Variants in MAP3K9 observed in about 807,000 individuals in gnomAD.
The protein encoded by MAP3K9 is mixed lineage kinase 1 (tyr and ser/thr specificity).
MAP3K9 carries 46 observed loss-of-function variants against 95.8 expected under a neutral mutation model. The ratio of observed to expected loss-of-function variants is 0.48; its 90% CI spans 0.38 to 0.61. MAP3K9 has a LOEUF of 0.61. Ranked by LOEUF, MAP3K9 falls within the 20% of genes least tolerant of loss-of-function variation. MAP3K9 has a pLI of 0.00. For synonymous variants in MAP3K9, 533 were observed against 593.8 expected, an observed-to-expected ratio of 0.90 and a Z score of 1.49; for missense variants, 1,296 against 1,474.3, an observed-to-expected ratio of 0.88 and a Z score of 1.98.
intron 2 of MAP3K9, among the ~76,000 whole-genome samples, chr14:70,784,704 AG>A (rs1204667487): frequency 6.6e-6 from 1 of 152,224 alleles, no homozygotes; most frequent in East Asian, 1.9e-4. Flanking sequence ...CCTGGGAGAC[AG>A]AGTGAGTGAG....
chr14:70,780,453 A>G (rs1330533159), intron 2 of MAP3K9, among the ~76,000 whole-genome samples: 1 of 152,114 alleles, frequency 6.6e-6, no homozygotes, highest in Non-Finnish European at 1.5e-5. Context: ...CTGCTGAGTG[A>G]AAGGTTCTCA....
chr14:70,799,358 G>A (rs1157043035), intron 2 of MAP3K9, among the ~76,000 whole-genome samples: 1 of 151,548 alleles, frequency 6.6e-6, no homozygotes, highest in Non-Finnish European at 1.5e-5. Flanking sequence ...TTGTTTTTTT[G>A]AGATGGAGTC....
rs557062833 is a variant in MAP3K9, at chr14:70,761,150, G to T, written c.853C>A (p.Leu285Met). 1,064 of 1,613,922 alleles carry T rather than the reference G, an allele frequency of 6.6e-4. 13 individuals are homozygous for T. In the South Asian group the frequency reaches 0.011, roughly 17 times the overall value. ...LILQKVENGD[L>M]SNKILKITDF... ...GTGATCTTCAGAATCTTGTTGCTCA[G>T]GTCTCCATTCTCCACCTTCTGGAGG... is the stretch of plus-strand genomic sequence containing the variant. The change falls in exon 3 of 12, where the codon CTG becomes ATG. Residue 285 changes from leucine to methionine, a missense_variant. Transcript: ENST00000554752.
rs1820763742 is a variant in MAP3K9 at position 70,732,685 on chromosome 14, G to T, written c.2684C>A (p.Ser895Tyr). The T allele has an allele frequency of 6.2e-7, 1 of 1,601,772 alleles. No individual in the cohort carries two copies. Among genetic ancestry groups the T allele is most frequent in the African/African-American group, 1.3e-5 (1 of 74,700 alleles). ...GAGGGTGACATGGGTGGGAGTCAGA[G>T]ATTGGTTAGGATCTCGTTTGAAGCG... ...VERFKRDPNQSLTPTHVTLTT... is the reference protein window; with the variant it reads ...VERFKRDPNQYLTPTHVTLTT... The change falls in exon 11 of 12, where the codon TCT becomes TAT. Residue 895 changes from serine to tyrosine, a missense_variant. Transcript: ENST00000554752.
chr14:70,795,513 T>C (rs1185859007), intron 2 of MAP3K9, among the ~76,000 whole-genome samples: 1 of 151,124 alleles, frequency 6.6e-6, no homozygotes, highest in Non-Finnish European at 1.5e-5. Context: ...GATTTTGTTG[T>C]GTTGCCTAGG....
chr14:70,738,389 C>T lies in MAP3K9; in HGVS notation c.1700G>A (p.Gly567Asp). The T allele has an allele frequency of 3.1e-6, 5 of 1,613,806 alleles. No homozygotes were observed. Among genetic ancestry groups the T allele is most frequent in the Non-Finnish European group, 4.2e-6 (5 of 1,179,910 alleles). ...PRLRAIQLTP[G>D]ESSKTWGRSS... ...CCTGCCCCAGGTTTTGCTGCTTTCA[C>T]CTGGTGTCACTGTGAATCACAAGGG... is the stretch of plus-strand genomic sequence containing the variant. Residue 567 changes from glycine (G) to aspartate (D), a missense_variant, in exon 8 of 12, where the codon GGT (glycine) becomes GAT (aspartate). This residue lies in a region of MAP3K9 where 377 missense variants were observed against 417.1 expected (regional missense o/e 0.90). Coordinates refer to ENST00000554752, the MANE Select transcript of MAP3K9 (RefSeq NM_001284230.2).
chr14:70,779,786 G>C (rs922114897), intron 2 of MAP3K9, among the ~76,000 whole-genome samples: 1 of 152,236 alleles, frequency 6.6e-6, no homozygotes, highest in Non-Finnish European at 1.5e-5. Context: ...GCTGAGAACA[G>C]CCACTCCTTG....
At chr14:70,776,881 G>T (rs907460506) in intron 2 of MAP3K9, among the ~76,000 whole-genome samples, 8 of 146,680 alleles carry the variant, frequency 5.5e-5, no homozygotes, top group Admixed American at 2.0e-4. Context: ...CCCCAGGTTT[G>T]AGTGCAATGG....
intron 2 of MAP3K9, among the ~76,000 whole-genome samples, chr14:70,763,556 G>C (rs1276529670): frequency 6.6e-6 from 1 of 151,464 alleles, no homozygotes; most frequent in African/African-American, 2.4e-5. Context: ...TTGGACCCAA[G>C]GTCTCACTCT....
At chr14:70,791,504 C>T (rs781759222) in intron 2 of MAP3K9, among the ~76,000 whole-genome samples, 3 of 152,234 alleles carry the variant, frequency 2.0e-5, no homozygotes, top group African/African-American at 4.8e-5. Context: ...ATTCCCCTTA[C>T]GAATCCTTCT....
rs71105731 is a variant in MAP3K9 at position 70,764,192 on chromosome 14, CAAAAA to C, written c.821-3015_821-3011del. The stretch of plus-strand genomic sequence containing the variant: ...TGGGCGACAGAGCGAGACTCCGTCT[CAAAAA>C]AAAAAAAAAAAAGTTAACTGTAAAA... On this transcript the variant is annotated intron_variant, in intron 2 of 11. Coordinates refer to ENST00000554752, the MANE Select transcript of MAP3K9 (RefSeq NM_001284230.2). Among the ~76,000 whole-genome samples the C allele has an allele frequency of 1.7e-4, 5 of 29,856 alleles. 1 individual carries two copies. Among genetic ancestry groups the C allele is most frequent in the African/African-American group, 6.2e-4 (5 of 8,078 alleles). The allele number at this position is 29,856 out of a possible 152,430, so 19.6% of individuals were successfully genotyped here.
At chr14:70,753,363 G>A (rs762482166) in intron 3 of MAP3K9, among the ~76,000 whole-genome samples, 1 of 152,196 alleles carries the variant, frequency 6.6e-6, no homozygotes, top group Non-Finnish European at 1.5e-5. Context: ...AGTCTTTCTG[G>A]GGCTGACTAA....
chr14:70,749,360 C>T (rs1174458746), intron 4 of MAP3K9, among the ~76,000 whole-genome samples: 4 of 152,202 alleles, frequency 2.6e-5, no homozygotes, highest in Admixed American at 1.3e-4. Flanking sequence ...GAATTATGCC[C>T]TGGGCTTCAG....
At chr14:70,785,559 G>A (rs946847874) in intron 2 of MAP3K9, among the ~76,000 whole-genome samples, 8 of 152,134 alleles carry the variant, frequency 5.3e-5, no homozygotes, top group Admixed American at 4.6e-4. Flanking sequence ...AAATGGGTAC[G>A]TGATGAGATG....
At chr14:70,802,933 G>T (rs1234758623) in intron 1 of MAP3K9, among the ~76,000 whole-genome samples, 2 of 152,156 alleles carry the variant, frequency 1.3e-5, no homozygotes, top group Non-Finnish European at 2.9e-5. Flanking sequence ...GTAAGCCCCA[G>T]TGCTGGCGGT....
intron 3 of MAP3K9, among the ~76,000 whole-genome samples, chr14:70,758,766 T>C (rs1270996864): frequency 1.2e-4 from 18 of 151,806 alleles, no homozygotes; most frequent in Non-Finnish European, 1.5e-5. Flanking sequence ...CATGGATGAA[T>C]CTTTTTTTTT....
At position 70,726,551 on chromosome 14, in the gene MAP3K9, G is replaced by A. The variant is rs1200101602; in HGVS notation, c.*3829C>T. 1 of 152,268 alleles carries A rather than the reference G, an allele frequency of 6.6e-6. No homozygotes were observed. Among genetic ancestry groups the A allele is most frequent in the Non-Finnish European group, 1.5e-5 (1 of 68,068 alleles). 9.4% of individuals were successfully genotyped at this position (152,268 alleles called of 1,614,324 possible). Reference sequence around the variant, plus strand: ...TCCTTCTCTGTAAGACACAAGTGGTGAGGATGACATTGGCAGACAGCATCA... The same window carrying A: ...TCCTTCTCTGTAAGACACAAGTGGTAAGGATGACATTGGCAGACAGCATCA... On this transcript the variant is annotated 3_prime_UTR_variant, in exon 12 of 12. Transcript: ENST00000554752.
chr14:70,730,130 C>A lies in MAP3K9; in HGVS notation c.*250G>T. 1 of 517,698 alleles carries A rather than the reference C, an allele frequency of 1.9e-6. No individual in the cohort carries two copies. The highest frequency in any genetic ancestry group is 3.4e-6 in the Non-Finnish European group (1 of 291,696). The allele number at this position is 517,698 out of a possible 1,614,324, so 32.1% of individuals were successfully genotyped here. On this transcript the variant is annotated 3_prime_UTR_variant, in exon 12 of 12. Coordinates refer to ENST00000554752, the MANE Select transcript of MAP3K9 (RefSeq NM_001284230.2). Reference sequence around the variant, plus strand: ...CTGTGGAGGGTGGGGGACATGCATGCACCCCTTCCTCCCCTACACAGCCAG... The same window carrying A: ...CTGTGGAGGGTGGGGGACATGCATGAACCCCTTCCTCCCCTACACAGCCAG...
intron 5 of MAP3K9, among the ~76,000 whole-genome samples, chr14:70,747,936 A>G (rs1215094317): frequency 1.3e-5 from 2 of 151,960 alleles, no homozygotes; most frequent in Non-Finnish European, 2.9e-5. Flanking sequence ...GTGAAACCCC[A>G]TCTCAACTAA....
Sources: allele counts gnomAD v4.1 joint callset (sites outside exome capture counted in the v4.1 genomes callset), GRCh38; gene constraint gnomAD v4.1.1; regional missense constraint gnomAD v4.1.1; transcripts MANE v1.5; gene names NCBI Gene and HGNC (gene_info 2026-07-23, HGNC 2026-07-21).